The following TMEM161A variants were observed in gnomAD, a reference collection of about 807,000 sequenced individuals.
The protein encoded by TMEM161A is adaptive response to oxidative stress protein 29.
A neutral mutation model predicts 57.1 loss-of-function variants in TMEM161A; 46 were observed. The ratio of observed to expected loss-of-function variants is 0.81; its 90% CI spans 0.64 to 1.03. The LOEUF is 1.03. Ranked by LOEUF, TMEM161A falls within the 50% of genes least tolerant of loss-of-function variation. The pLI is 0.00. For missense variants in TMEM161A, 601 were observed against 621.5 expected, an observed-to-expected ratio of 0.97 and a Z score of 0.35; for synonymous variants, 288 against 279.0, an observed-to-expected ratio of 1.03 and a Z score of -0.32.
Position 19,120,869 on chromosome 19 carries a change from C to G in TMEM161A, c.1090-8G>C. 1 of 1,613,250 alleles carries G rather than the reference C, an allele frequency of 6.2e-7. No individual in the cohort carries two copies. Among genetic ancestry groups the G allele is most frequent in the South Asian group, 1.1e-5 (1 of 91,084 alleles). ...GCAGTAGACTCGGACCACCTGTGGG[C>G]AGGTAGCAGGGGTGGCTGCAGCAGG... On this transcript the variant is annotated splice_polypyrimidine_tract_variant and splice_region_variant and intron_variant, in intron 10 of 11. Coordinates refer to ENST00000162044, the MANE Select transcript of TMEM161A (RefSeq NM_017814.3).
At position 19,128,228 on chromosome 19, in the gene TMEM161A, CTT is replaced by C. The variant is rs531458159; in HGVS notation, c.595+1926_595+1927del. On this transcript the variant is annotated intron_variant, in intron 6 of 11. Coordinates refer to ENST00000162044, the MANE Select transcript of TMEM161A (RefSeq NM_017814.3). ...GATGGTTGCACGACATCTAAATAGACTTTTTTTTTTTTTTTTTTTTTGAGATG... is the reference window on the plus strand; with the variant it reads ...GATGGTTGCACGACATCTAAATAGACTTTTTTTTTTTTTTTTTTTGAGATG... 8.1e-3 allele frequency among the ~76,000 whole-genome samples: 975 copies of C among 120,700 alleles called. 6 individuals carry two copies. Among genetic ancestry groups the C allele is most frequent in the African/African-American group, 0.027 (852 of 31,366 alleles). 79.2% of individuals were successfully genotyped at this position (120,700 alleles called of 152,430 possible).
chr19:19,132,395 T>TA lies in TMEM161A; in HGVS notation c.399dup (p.Asn134Ter). ...AGCAGGCACCAGAACACAGCAATGT[T>TA]AGTCTCCTTGGCTGGTCCCAGCATG... On this transcript the variant is annotated frameshift_variant, in exon 5 of 12. Coordinates refer to ENST00000162044, the MANE Select transcript of TMEM161A (RefSeq NM_017814.3). LOFTEE classifies it high-confidence loss of function. This position sits in a 1 kb window ranked among gnomAD's most constrained non-coding sequence, Gnocchi z 4.3. The TA allele has an allele frequency of 6.2e-7, 1 of 1,614,080 alleles. No homozygotes were observed. Among genetic ancestry groups the TA allele is most frequent in the South Asian group, 1.1e-5 (1 of 91,080 alleles).
Position 19,121,798 on chromosome 19 carries a change from T to A in TMEM161A, c.617A>T (p.Asn206Ile). 1 of 1,613,950 alleles carries A rather than the reference T, an allele frequency of 6.2e-7. No homozygotes were observed. The highest frequency in any genetic ancestry group is 8.5e-7 in the Non-Finnish European group (1 of 1,179,996). ...LEPGLASMTQ[N>I]LEPLLKKQGW... ...CTGCTTCTTCAGAAGTGGCTCTAAG[T>A]TCTGGGTCATGCTGGCCAGACCTGG... The change falls in exon 7 of 12, where the codon AAC (asparagine) becomes ATC (isoleucine). Residue 206 changes from asparagine (N) to isoleucine (I), a missense_variant. By Grantham distance (149) the Asn-to-Ile change is moderately radical. Coordinates refer to ENST00000162044, the MANE Select transcript of TMEM161A (RefSeq NM_017814.3). This position sits in a 1 kb window ranked among gnomAD's most constrained non-coding sequence, Gnocchi z 5.8.
Position 19,132,685 on chromosome 19 carries a change from G to T in TMEM161A, c.258C>A (p.Thr86=). 6.3e-7 allele frequency: 1 copy of T among 1,580,042 alleles called. No individual in the cohort carries two copies. The change falls in exon 4 of 12, where the codon ACC becomes ACA. Residue 86 remains threonine (T), a synonymous_variant. Coordinates refer to ENST00000162044, the MANE Select transcript of TMEM161A (RefSeq NM_017814.3). This position sits in a 1 kb window ranked among gnomAD's most constrained non-coding sequence, Gnocchi z 4.3. ...GGGCATCCACGGTCGTGAGGGGGCA[G>T]GTCTCCAGCTGGAACGGGGCATCTC... The part of the protein sequence containing the change: ...VPRDAPFQLE[T]CPLTTVDALV...
At chr19:19,123,235 G>A (rs1274119171) in intron 6 of TMEM161A, among the ~76,000 whole-genome samples, 1 of 152,212 alleles carries the variant, frequency 6.6e-6, no homozygotes, top group Non-Finnish European at 1.5e-5. Context: ...GCCCCAGAGG[G>A]AGGGAAGAGA....
intron 10 of TMEM161A, 60 bp from the exon 11 acceptor site, chr19:19,120,921 C>T: frequency 6.2e-7 from 1 of 1,611,260 alleles, no homozygotes; most frequent in Non-Finnish European, 8.5e-7. Context: ...GACGACTCCA[C>T]GCCCAAAGGA....
At chr19:19,134,293 C>T (rs1011445480) in intron 2 of TMEM161A, among the ~76,000 whole-genome samples, 1 of 152,208 alleles carries the variant, frequency 6.6e-6, no homozygotes, top group African/African-American at 2.4e-5. Context: ...ACTAGTCCAA[C>T]TGTGTACTTC....
intron 1 of TMEM161A, among the ~76,000 whole-genome samples, chr19:19,137,545 A>G (rs2059990195): frequency 6.6e-6 from 1 of 152,212 alleles, no homozygotes; most frequent in Non-Finnish European, 1.5e-5. Context: ...CTCGAACTCA[A>G]GAACCCTGAT....
intron 6 of TMEM161A, among the ~76,000 whole-genome samples, chr19:19,122,844 A>G (rs942876045): frequency 3.9e-5 from 6 of 152,110 alleles, no homozygotes; most frequent in African/African-American, 9.6e-5. Flanking sequence ...ACAAATCACC[A>G]TAAAGGAGAG....
rs765879041 is a variant in TMEM161A at position 19,120,109 on chromosome 19, C to A, written c.1261G>T (p.Gly421Cys). 3.8e-6 allele frequency: 6 copies of A among 1,574,030 alleles called. No homozygotes were observed. Among genetic ancestry groups the A allele is most frequent in the Non-Finnish European group, 5.2e-6 (6 of 1,160,144 alleles). Residue 421 changes from glycine (G) to cysteine (C), a missense_variant, in exon 12 of 12, where the codon GGC (glycine) becomes TGC (cysteine). Physicochemically the swap from Gly to Cys is radical, Grantham distance 159 (BLOSUM62 -3). Coordinates refer to ENST00000162044, the MANE Select transcript of TMEM161A (RefSeq NM_017814.3). ...DPSSASAAPI[G>C]SGEDEVQQTA... ...TGCTGGACTTCGTCCTCCCCAGAGC[C>A]GATGGGGGCAGCGCTGGCTGAGGAT... is the stretch of plus-strand genomic sequence containing the variant.
chr19:19,134,814 G>A lies in TMEM161A; in HGVS notation c.77C>T (p.Ser26Phe), dbSNP rs1442768986. 1 of 1,592,292 alleles carries A rather than the reference G, an allele frequency of 6.3e-7. No homozygotes were observed. The highest frequency in any genetic ancestry group is 8.5e-7 in the Non-Finnish European group (1 of 1,170,650). Residue 26 changes from serine to phenylalanine, a missense_variant, in exon 2 of 12, where the codon TCC (serine) becomes TTC (phenylalanine). Transcript: ENST00000162044. Reference sequence around the variant, plus strand: ...GTTACAGAGCAGCCAGCGCGCGAAGGAGCAGTGTGGCGCCAGCCTGTGCAT... The same window carrying A: ...GTTACAGAGCAGCCAGCGCGCGAAGAAGCAGTGTGGCGCCAGCCTGTGCAT... ...TLMHRLAPHC[S>F]FARWLLCNGS...
chr19:19,128,049 C>T (rs2059939574), intron 6 of TMEM161A, among the ~76,000 whole-genome samples: 2 of 152,086 alleles, frequency 1.3e-5, no homozygotes, highest in African/African-American at 2.4e-5. Flanking sequence ...TATGATGCCA[C>T]TTATATGAGG....
intron 11 of TMEM161A, among the ~76,000 whole-genome samples, chr19:19,120,525 G>A (rs1180680641): frequency 7.6e-6 from 1 of 131,530 alleles, no homozygotes; most frequent in Admixed American, 7.9e-5. Context: ...CACAGTCCCC[G>A]CCCCCTACCC....
Position 19,119,848 on chromosome 19 carries a change from C to T in TMEM161A, c.*82G>A, listed in dbSNP as rs1295608032. 2.7e-6 allele frequency: 4 copies of T among 1,483,218 alleles called. No homozygotes were observed. The highest frequency in any genetic ancestry group is 3.6e-6 in the Non-Finnish European group (4 of 1,105,096). 91.9% of individuals were successfully genotyped at this position (1,483,218 alleles called of 1,614,324 possible). On this transcript the variant is annotated 3_prime_UTR_variant, in exon 12 of 12. Transcript: ENST00000162044. ...CGGCCCCACCTTGCAGCTGGGGACA[C>T]GGGGGCGCAAACAGAGGGGGCAGGC...
At chr19:19,131,491 C>T (rs975066834) in intron 5 of TMEM161A, among the ~76,000 whole-genome samples, 6 of 104,452 alleles carry the variant, frequency 5.7e-5, no homozygotes, top group South Asian at 3.7e-4. Flanking sequence ...TACACACACA[C>T]ACATATATAT....
chr19:19,130,212 A>T lies in TMEM161A; in HGVS notation c.539T>A (p.Leu180Gln). 4.3e-6 allele frequency: 7 copies of T among 1,613,984 alleles called. No homozygotes were observed. Among genetic ancestry groups the T allele is most frequent in the Non-Finnish European group, 5.9e-6 (7 of 1,180,032 alleles). ...CCGCACCACTTGCACCAGCATGGCC[A>T]GCAGCAGGAAGAGGAAGGCAAAGGT... Reference protein sequence around the residue: ...CLTFAFLFLLLAMLVQVVREE... With the variant: ...CLTFAFLFLLQAMLVQVVREE... Residue 180 changes from leucine to glutamine, a missense_variant, in exon 6 of 12, where the codon CTG (leucine) becomes CAG (glutamine). Transcript: ENST00000162044.
chr19:19,119,892 G>A lies in TMEM161A; in HGVS notation c.*38C>T, dbSNP rs201277641. The A allele has an allele frequency of 6.5e-5, 101 of 1,544,588 alleles. No individual in the cohort carries two copies. The East Asian group carries it at 2.0e-3, about 31-fold the overall frequency. On this transcript the variant is annotated 3_prime_UTR_variant, in exon 12 of 12. Coordinates refer to ENST00000162044, the MANE Select transcript of TMEM161A (RefSeq NM_017814.3). ...GGCAGGCTAGTGTCCCGCTGCCCCAGGAACAGACCTCAGGGCCCCAGGAGG... is the reference window on the plus strand; with the variant it reads ...GGCAGGCTAGTGTCCCGCTGCCCCAAGAACAGACCTCAGGGCCCCAGGAGG...
chr19:19,133,401 C>T (rs571838659), intron 2 of TMEM161A, 191 bp from the exon 3 acceptor site: 56 of 573,438 alleles, frequency 9.8e-5, no homozygotes, highest in East Asian at 6.4e-4. Flanking sequence ...GAGTGGGCTC[C>T]GGGGGCTTGG....
intron 2 of TMEM161A, among the ~76,000 whole-genome samples, chr19:19,134,418 T>C (rs941201203): frequency 8.6e-5 from 13 of 151,886 alleles, no homozygotes; most frequent in African/African-American, 3.1e-4. Flanking sequence ...CCTGGGCAAC[T>C]TAGCAAGACC....
Sources: gnomAD v4.1 joint callset for allele counts (sites outside exome capture counted in the v4.1 genomes callset) on GRCh38, gnomAD v4.1.1 for gene constraint, Gnocchi (gnomAD v3.1) non-coding constraint, MANE v1.5 for transcripts, NCBI Gene and HGNC (gene_info 2026-07-23, HGNC 2026-07-21) for gene names.